Variants in IGF2BP3 observed in about 807,000 individuals in gnomAD.
The protein encoded by IGF2BP3 is insulin like growth factor 2 mRNA binding protein 3.
IGF2BP3 carries 9 observed loss-of-function variants against 73.8 expected under a neutral mutation model. The ratio of observed to expected loss-of-function variants is 0.12; its 90% CI spans 0.07 to 0.21. IGF2BP3 has a LOEUF of 0.21. Ranked by LOEUF, IGF2BP3 falls within the 10% of genes least tolerant of loss-of-function variation. The pLI is 1.00. For synonymous variants in IGF2BP3, 258 were observed against 256.7 expected (o/e 1.01, Z -0.05); for missense variants, 542 against 714.0 (o/e 0.76, Z 2.75).
At chr7:23,366,563 A>G (rs1010011053) in intron 3 of IGF2BP3, among the ~76,000 whole-genome samples, 1 of 151,836 alleles carries the variant, frequency 6.6e-6, no homozygotes, top group Non-Finnish European at 1.5e-5. Flanking sequence ...AAAAGAAAAA[A>G]AAAAAAAAAC....
intron 3 of IGF2BP3, among the ~76,000 whole-genome samples, chr7:23,401,464 AT>A (rs1786661305): frequency 6.6e-6 from 1 of 152,114 alleles, no homozygotes; most frequent in Non-Finnish European, 1.5e-5. Context: ...TGAAATTAAG[AT>A]TTGAAAAGTC....
intron 3 of IGF2BP3, among the ~76,000 whole-genome samples, chr7:23,407,098 A>G (rs1280584121): frequency 6.6e-6 from 1 of 151,996 alleles, no homozygotes; most frequent in Admixed American, 6.6e-5. Flanking sequence ...AAAAGTGGAG[A>G]TATCACTAGA....
intron 10 of IGF2BP3, among the ~76,000 whole-genome samples, chr7:23,341,024 A>G (rs1280818374): frequency 2.0e-5 from 3 of 151,296 alleles, no homozygotes; most frequent in Non-Finnish European, 4.4e-5. Context: ...AATTTTTTGT[A>G]TTTTTAGTAG....
At chr7:23,447,610 C>T (rs1448614206) in intron 2 of IGF2BP3, among the ~76,000 whole-genome samples, 3 of 151,836 alleles carry the variant, frequency 2.0e-5, no homozygotes, top group Non-Finnish European at 4.4e-5. Context: ...GACAACAGAG[C>T]AAGACTCTGT....
intron 3 of IGF2BP3, among the ~76,000 whole-genome samples, chr7:23,363,510 G>A (rs527806755): frequency 2.6e-5 from 4 of 152,318 alleles, no homozygotes; most frequent in East Asian, 3.9e-4. Context: ...GCCTCCCCAA[G>A]TGCTGAGATT....
chr7:23,407,181 T>TAAA (rs77237856), intron 3 of IGF2BP3, among the ~76,000 whole-genome samples: 1 of 121,176 alleles, frequency 8.3e-6, no homozygotes, highest in Non-Finnish European at 1.8e-5. Context: ...ATGTAGTTAT[T>TAAA]AAAAAAAAAA....
Position 23,311,579 on chromosome 7 carries a change from C to T in IGF2BP3, c.*783G>A, listed in dbSNP as rs1192700340. ...CCGTATTTTTGAACATTTGATTTAA[C>T]TAATAACTGTGTCAAAAGCCTCAAA... is the stretch of plus-strand genomic sequence containing the variant. On this transcript the variant is annotated 3_prime_UTR_variant, in exon 15 of 15. Coordinates refer to ENST00000258729, the MANE Select transcript of IGF2BP3 (RefSeq NM_006547.3). 1 of 152,300 alleles carries T rather than the reference C, an allele frequency of 6.6e-6. No homozygotes were observed. The highest frequency in any genetic ancestry group is 6.5e-5 in the Admixed American group (1 of 15,282). 9.4% of individuals were successfully genotyped at this position (152,300 alleles called of 1,614,324 possible).
intron 10 of IGF2BP3, among the ~76,000 whole-genome samples, chr7:23,339,780 G>A (rs1445598794): frequency 6.6e-6 from 1 of 152,150 alleles, no homozygotes; most frequent in Non-Finnish European, 1.5e-5. Context: ...TACGTCACAT[G>A]ATCAGCTCAT....
intron 7 of IGF2BP3, 86 bp downstream of exon 7, chr7:23,347,514 G>A: frequency 1.4e-6 from 2 of 1,424,912 alleles, no homozygotes; most frequent in African/African-American, 1.4e-5. Context: ...CTGTTTGTTG[G>A]CAATTCCCAA....
At chr7:23,407,189 AAAAAAAAG>A (rs1786860618) in intron 3 of IGF2BP3, among the ~76,000 whole-genome samples, 1 of 151,400 alleles carries the variant, frequency 6.6e-6, no homozygotes, top group South Asian at 2.1e-4. Context: ...ATTAAAAAAA[AAAAAAAAG>A]AAAAAAAGAA....
chr7:23,409,177 G>A (rs1786939782), intron 3 of IGF2BP3, among the ~76,000 whole-genome samples: 1 of 152,210 alleles, frequency 6.6e-6, no homozygotes, highest in Non-Finnish European at 1.5e-5. Context: ...CTCACCTCCT[G>A]TGGTACAGCC....
At position 23,346,017 on chromosome 7, in the gene IGF2BP3, A is replaced by G; in HGVS notation, c.864T>C (p.Val288=). The G allele has an allele frequency of 6.2e-7, 1 of 1,613,802 alleles. No individual in the cohort carries two copies. The highest frequency in any genetic ancestry group is 8.5e-7 in the Non-Finnish European group (1 of 1,179,986). The change falls in exon 8 of 15, where the codon GTT becomes GTC. Residue 288 remains valine (V), a synonymous_variant. Coordinates refer to ENST00000258729, the MANE Select transcript of IGF2BP3 (RefSeq NM_006547.3). ...PLKILAHNNF[V]GRLIGKEGRN... ...TTCCTTCTTTACCAATAAGACGTCCAACAAAGTTATTATGAGCTAAAATCT... is the reference window on the plus strand; with the variant it reads ...TTCCTTCTTTACCAATAAGACGTCCGACAAAGTTATTATGAGCTAAAATCT...
intron 10 of IGF2BP3, among the ~76,000 whole-genome samples, chr7:23,337,740 G>C (rs750332999): frequency 6.6e-6 from 1 of 152,188 alleles, no homozygotes; most frequent in Non-Finnish European, 1.5e-5. Context: ...TCACCACATT[G>C]CCCAGGCTGG....
chr7:23,350,565 C>T (rs1387014879), intron 6 of IGF2BP3, among the ~76,000 whole-genome samples: 2 of 152,190 alleles, frequency 1.3e-5, no homozygotes, highest in African/African-American at 4.8e-5. Context: ...ACATATAATG[C>T]ATGAGAACTG....
At chr7:23,349,665 T>C (rs1424755850) in intron 6 of IGF2BP3, among the ~76,000 whole-genome samples, 1 of 152,158 alleles carries the variant, frequency 6.6e-6, no homozygotes, top group Non-Finnish European at 1.5e-5. Flanking sequence ...CTAATTTCAA[T>C]GTCAAGAGTT....
chr7:23,416,793 C>T (rs892813962), intron 3 of IGF2BP3, among the ~76,000 whole-genome samples: 16 of 152,318 alleles, frequency 1.1e-4, no homozygotes, highest in Admixed American at 4.6e-4. Context: ...GTGGCTCACG[C>T]CTGTAATCCC....
intron 3 of IGF2BP3, among the ~76,000 whole-genome samples, chr7:23,409,316 A>G (rs904911333): frequency 5.3e-5 from 8 of 152,228 alleles, no homozygotes; most frequent in Non-Finnish European, 1.2e-4. Context: ...AGTAAAGTTG[A>G]TAATTATTCC....
chr7:23,332,008 G>T (rs1318129265), intron 10 of IGF2BP3, among the ~76,000 whole-genome samples: 4 of 152,016 alleles, frequency 2.6e-5, no homozygotes, highest in Non-Finnish European at 5.9e-5. Context: ...GTAAGGGATG[G>T]GGCAAGTGTC....
At chr7:23,407,433 A>T (rs377721920) in intron 3 of IGF2BP3, among the ~76,000 whole-genome samples, 3 of 151,878 alleles carry the variant, frequency 2.0e-5, no homozygotes, top group South Asian at 4.2e-4. Context: ...ACATGGAGAA[A>T]CCCCATCTCT....
Sources: gnomAD v4.1 joint callset for allele counts (sites outside exome capture counted in the v4.1 genomes callset) on GRCh38, gnomAD v4.1.1 for gene constraint, MANE v1.5 for transcripts, NCBI Gene and HGNC (gene_info 2026-07-23, HGNC 2026-07-21) for gene names.